Variants in PCSK2 observed in about 807,000 individuals in gnomAD.
The protein encoded by PCSK2 is neuroendocrine convertase 2.
A neutral mutation model predicts 69.7 loss-of-function variants in PCSK2; 14 were observed. The observed-to-expected ratio is 0.20, with a 90% CI of 0.13 to 0.31. The LOEUF (loss-of-function observed/expected upper bound fraction) is 0.31, where lower values mean the gene tolerates loss of function less well. Ranked by LOEUF, PCSK2 falls within the 10% of genes least tolerant of loss-of-function variation. The probability of loss-of-function intolerance (pLI) is 1.00; values close to 1 mark genes in which losing one functional copy is unlikely to be tolerated. For missense variants in PCSK2, 544 were observed against 842.5 expected (o/e 0.65, Z 4.39); for synonymous variants, 307 against 320.7 (o/e 0.96, Z 0.46).
chr20:17,432,390 A>T (rs1432438096), intron 7 of PCSK2, among the ~76,000 whole-genome samples: 2 of 152,204 alleles, frequency 1.3e-5, no homozygotes, highest in Non-Finnish European at 2.9e-5. Context: ...CCCAAAAGTC[A>T]TCCTGCAGTC....
intron 2 of PCSK2, among the ~76,000 whole-genome samples, chr20:17,278,103 C>T (rs1988160763): frequency 1.3e-5 from 2 of 152,172 alleles, no homozygotes; most frequent in Admixed American, 1.3e-4. Flanking sequence ...GAAATAGGAA[C>T]ACTTTTACAC....
intron 2 of PCSK2, among the ~76,000 whole-genome samples, chr20:17,347,940 G>A (rs1264418162): frequency 9.5e-5 from 2 of 21,004 alleles, no homozygotes; most frequent in African/African-American, 3.6e-4. Flanking sequence ...AAAAGAGAAA[G>A]AAAGAAAGAA....
chr20:17,293,911 T>C (rs1212727561), intron 2 of PCSK2, among the ~76,000 whole-genome samples: 3 of 152,122 alleles, frequency 2.0e-5, no homozygotes, highest in Non-Finnish European at 4.4e-5. Context: ...TGTAACTCAT[T>C]TTTAAAATGG....
At chr20:17,300,414 A>T (rs1356655023) in intron 2 of PCSK2, among the ~76,000 whole-genome samples, 1 of 152,200 alleles carries the variant, frequency 6.6e-6, no homozygotes, top group African/African-American at 2.4e-5. Context: ...GTCCTTGCCC[A>T]TTCCCCAGAG....
At chr20:17,294,149 G>C (rs1988797789) in intron 2 of PCSK2, among the ~76,000 whole-genome samples, 1 of 128,078 alleles carries the variant, frequency 7.8e-6, no homozygotes, top group African/African-American at 3.0e-5. Context: ...GTTTAGCCCA[G>C]GCCGGATTGC....
chr20:17,226,426 G>C (rs1985902161), upstream of PCSK2: 1 of 152,260 alleles, frequency 6.6e-6, no homozygotes, highest in Non-Finnish European at 1.5e-5. Context: ...AACCTCCCCG[G>C]GGATTTGCCC....
At chr20:17,441,584 A>T (rs1381404022) in intron 8 of PCSK2, among the ~76,000 whole-genome samples, 1 of 152,212 alleles carries the variant, frequency 6.6e-6, no homozygotes, top group African/African-American at 2.4e-5. Context: ...GGGAGACCTC[A>T]CAATCATGGT....
intron 2 of PCSK2, among the ~76,000 whole-genome samples, chr20:17,278,550 T>C (rs1203807622): frequency 6.6e-6 from 1 of 151,914 alleles, no homozygotes; most frequent in Non-Finnish European, 1.5e-5. Flanking sequence ...AAGGGGAACA[T>C]CACACACCAG....
At position 17,380,751 on chromosome 20, in the gene PCSK2, T is replaced by A. The variant is rs1018838683; in HGVS notation, c.543+11474T>A. ...GGTCAGACCTCAAAGTCTGTTCTCTTAGCCTCCCCCTCCCTTCCTGCCTTA... is the reference window on the plus strand; with the variant it reads ...GGTCAGACCTCAAAGTCTGTTCTCTAAGCCTCCCCCTCCCTTCCTGCCTTA... On this transcript the variant is annotated intron_variant, in intron 5 of 11. Transcript: ENST00000262545. Among the ~76,000 whole-genome samples the A allele has an allele frequency of 2.0e-5, 3 of 152,224 alleles. No homozygotes were observed. The South Asian group carries it at 6.2e-4, about 31-fold the overall frequency.
rs191037619 is a variant in PCSK2, at chr20:17,471,878, C to T, written c.1430+6325C>T. On this transcript the variant is annotated intron_variant, in intron 11 of 11. Transcript: ENST00000262545. ...TACAGGAATCAACAGCCGTGGCAAT[C>T]GCCACTCTCCATAATGTGCAGGGCT... Among the ~76,000 whole-genome samples the T allele has an allele frequency of 6.6e-5, 10 of 152,344 alleles. 1 individual carries two copies. The highest frequency in any genetic ancestry group is 4.6e-4 in the Admixed American group (7 of 15,304).
chr20:17,435,882 G>A (rs1274769546), intron 7 of PCSK2, among the ~76,000 whole-genome samples: 1 of 152,196 alleles, frequency 6.6e-6, no homozygotes, highest in Non-Finnish European at 1.5e-5. Context: ...AGAGGCCTTT[G>A]TGGATGGCCA....
chr20:17,336,122 T>C (rs750479579), intron 2 of PCSK2, among the ~76,000 whole-genome samples: 1 of 152,206 alleles, frequency 6.6e-6, no homozygotes, highest in Non-Finnish European at 1.5e-5. Context: ...ACAATTGTAA[T>C]ACCACTTTAT....
intron 1 of PCSK2, among the ~76,000 whole-genome samples, chr20:17,233,716 G>A (rs779806236): frequency 9.9e-5 from 15 of 152,092 alleles, no homozygotes; most frequent in Non-Finnish European, 1.2e-4. Context: ...AGCAAAAGAC[G>A]CCTGTAACAG....
chr20:17,404,784 G>C (rs6105751), intron 5 of PCSK2, among the ~76,000 whole-genome samples: 1 of 152,178 alleles, frequency 6.6e-6, no homozygotes, highest in South Asian at 2.1e-4. Flanking sequence ...AAGAGGCCTC[G>C]GACATTGGTC....
At chr20:17,358,825 G>A (rs2030295527) in intron 3 of PCSK2, among the ~76,000 whole-genome samples, 1 of 152,214 alleles carries the variant, frequency 6.6e-6, no homozygotes, top group Non-Finnish European at 1.5e-5. Context: ...TGAAGTCACA[G>A]GCCTAAAAGA....
chr20:17,349,080 C>A (rs737141), intron 2 of PCSK2, among the ~76,000 whole-genome samples: 1 of 152,132 alleles, frequency 6.6e-6, no homozygotes, highest in East Asian at 1.9e-4. Context: ...CACTGCCCAG[C>A]GCAACAGTCA....
chr20:17,281,378 C>T (rs1988305358), intron 2 of PCSK2, among the ~76,000 whole-genome samples: 1 of 152,180 alleles, frequency 6.6e-6, no homozygotes, highest in Non-Finnish European at 1.5e-5. Flanking sequence ...AGGTCAGGTG[C>T]TCCTGTCCCT....
At chr20:17,424,976 G>A (rs1287612317) in intron 6 of PCSK2, among the ~76,000 whole-genome samples, 1 of 151,460 alleles carries the variant, frequency 6.6e-6, no homozygotes. Flanking sequence ...TAGTAGAGAC[G>A]GGGTTTCCAG....
intron 11 of PCSK2, among the ~76,000 whole-genome samples, chr20:17,472,396 C>T (rs2033217254): frequency 2.0e-5 from 3 of 152,208 alleles, no homozygotes; most frequent in Admixed American, 2.0e-4. Flanking sequence ...GCTTCCTGCA[C>T]AAGTTCATGC....
Sources: gnomAD v4.1 joint callset for allele counts (sites outside exome capture counted in the v4.1 genomes callset) on GRCh38, gnomAD v4.1.1 for gene constraint, MANE v1.5 for transcripts, NCBI Gene and HGNC (gene_info 2026-07-23, HGNC 2026-07-21) for gene names.